Variants in BACH1 observed in about 807,000 individuals in gnomAD.
The protein encoded by BACH1 is transcription regulator protein BACH1.
In BACH1, 35 loss-of-function variants were observed where a neutral mutation model predicts 52.9. The observed-to-expected ratio is 0.66, with a 90% CI of 0.51 to 0.88. The LOEUF is 0.88. Among genes scored for constraint, BACH1 ranks in the 40% least tolerant of loss-of-function variants. The pLI, the probability that BACH1 is intolerant of heterozygous loss-of-function variation, is 0.00. For synonymous variants in BACH1, 321 were observed against 319.6 expected (o/e 1.00, Z -0.05); for missense variants, 808 against 872.6 (o/e 0.93, Z 0.93).
At position 29,301,776 on chromosome 21, in the gene BACH1, G is replaced by GT. The variant is rs909646691; in HGVS notation, c.-61+2832dup. 3.6e-4 allele frequency among the ~76,000 whole-genome samples: 55 copies of GT among 151,030 alleles called. 2 individuals carry two copies. Among genetic ancestry groups the GT allele is most frequent in the Admixed American group, 1.3e-3 (19 of 15,144 alleles). Reference sequence around the variant, plus strand: ...TTTGTACTGTTACTCCTTGAAGTCTGTTTTTTTTTGTTTGTTTTTTGCCAA... The same window carrying GT: ...TTTGTACTGTTACTCCTTGAAGTCTGTTTTTTTTTTGTTTGTTTTTTGCCAA... On this transcript the variant is annotated intron_variant, in intron 1 of 4. Transcript: ENST00000286800.
intron 2 of BACH1, among the ~76,000 whole-genome samples, chr21:29,325,668 G>C (rs2088901382): frequency 6.6e-6 from 1 of 152,180 alleles, no homozygotes; most frequent in Admixed American, 6.5e-5. Context: ...TTGGAATACA[G>C]TGGCCATGTG....
At chr21:29,303,366 A>G (rs999176779) in intron 1 of BACH1, among the ~76,000 whole-genome samples, 12 of 152,192 alleles carry the variant, frequency 7.9e-5, no homozygotes, top group Non-Finnish European at 1.6e-4. Context: ...TTTCTGTTTT[A>G]TCTCCTATGG....
rs1194820703 is a variant in BACH1, at chr21:29,334,638, G to T, written c.1776+4945G>T. ...TATTTACCAAAATGTATTTCTTTTAGAAAGTATCAAATATTGTTTTCGATA... is the reference window on the plus strand; with the variant it reads ...TATTTACCAAAATGTATTTCTTTTATAAAGTATCAAATATTGTTTTCGATA... On this transcript the variant is annotated intron_variant, in intron 4 of 4. Transcript: ENST00000286800. 2.0e-5 allele frequency among the ~76,000 whole-genome samples: 3 copies of T among 152,166 alleles called. No homozygotes were observed. In the East Asian group the frequency reaches 5.8e-4, roughly 29 times the overall value.
At chr21:29,337,534 A>G (rs1375839194) in intron 4 of BACH1, among the ~76,000 whole-genome samples, 1 of 152,220 alleles carries the variant, frequency 6.6e-6, no homozygotes, top group African/African-American at 2.4e-5. Flanking sequence ...CTCCAATTAC[A>G]TTAGTGTATT....
In BACH1 at chr21:29,344,828, A is replaced by G. The variant is rs2089152604; in HGVS notation, c.*1995A>G. On this transcript the variant is annotated 3_prime_UTR_variant, in exon 5 of 5. Coordinates refer to ENST00000286800, the MANE Select transcript of BACH1 (RefSeq NM_001186.4). ...CCCTTGATTTCCTACCTCAGTGTAC[A>G]CCCAACTATTGGTTGTATCAGTTTG... 1 of 152,612 alleles carries G rather than the reference A, an allele frequency of 6.6e-6. No homozygotes were observed. The highest frequency in any genetic ancestry group is 2.4e-5 in the African/African-American group (1 of 41,442). 9.5% of individuals were successfully genotyped at this position (152,612 alleles called of 1,614,324 possible).
chr21:29,342,915 T>G lies in BACH1; in HGVS notation c.*82T>G, dbSNP rs766663645. 68 of 1,338,656 alleles carry G rather than the reference T, an allele frequency of 5.1e-5. No homozygotes were observed. The highest frequency in any genetic ancestry group is 5.8e-5 in the Non-Finnish European group (57 of 990,240). The allele number at this position is 1,338,656 out of a possible 1,614,324, so 82.9% of individuals were successfully genotyped here. A position where few individuals can be genotyped will look rare whatever the true frequency, so the allele number is the denominator to read the frequency against. ...TTGAAAGCCTAATATGACCATCTGT[T>G]GCTCAACAATACTGTTTTTTTCCTT... On this transcript the variant is annotated 3_prime_UTR_variant, in exon 5 of 5. Coordinates refer to ENST00000286800, the MANE Select transcript of BACH1 (RefSeq NM_001186.4).
chr21:29,324,013 A>G (rs1031458511), intron 2 of BACH1, among the ~76,000 whole-genome samples: 1 of 152,132 alleles, frequency 6.6e-6, no homozygotes, highest in Non-Finnish European at 1.5e-5. Context: ...GCACTTTGGG[A>G]GGGCGAGGCA....
chr21:29,313,380 C>A (rs2088750075), intron 1 of BACH1, among the ~76,000 whole-genome samples: 1 of 152,180 alleles, frequency 6.6e-6, no homozygotes, highest in South Asian at 2.1e-4. Context: ...GAAAACTATT[C>A]AGTAATTTCT....
At chr21:29,361,523 GCTGCA>G (rs2089271776) in intron 2 of BACH1, 1 of 152,010 alleles carries the variant, frequency 6.6e-6, no homozygotes, top group Non-Finnish European at 1.5e-5. Flanking sequence ...TGCAGACCTT[GCTGCA>G]CTTTGATCTT....
At chr21:29,351,543 G>C (rs1250201211) in intron 2 of BACH1, 6 of 502,210 alleles carry the variant, frequency 1.2e-5, no homozygotes, top group African/African-American at 1.2e-4. Flanking sequence ...TTTAAGCACT[G>C]TGTTTTCATC....
chr21:29,342,165 A>G (rs1485809491), intron 4 of BACH1, among the ~76,000 whole-genome samples: 1 of 152,214 alleles, frequency 6.6e-6, no homozygotes, highest in African/African-American at 2.4e-5. Context: ...GTGTGCACCC[A>G]TACTGTCTTT....
chr21:29,340,444 G>A (rs1022019180), intron 4 of BACH1, among the ~76,000 whole-genome samples: 5 of 152,284 alleles, frequency 3.3e-5, no homozygotes, highest in Non-Finnish European at 5.9e-5. Context: ...TGGGGTGGGA[G>A]GAGTGAGAGT....
chr21:29,344,944 G>T lies in BACH1; in HGVS notation c.*2111G>T, dbSNP rs2089154199. On this transcript the variant is annotated 3_prime_UTR_variant, in exon 5 of 5. Transcript: ENST00000286800. ...TACTATTTTATGATAAAATGTAGTT[G>T]TCTCCAGAGCTTAAATATAATTTGT... 1 of 152,532 alleles carries T rather than the reference G, an allele frequency of 6.6e-6. No individual in the cohort carries two copies. Among genetic ancestry groups the T allele is most frequent in the African/African-American group, 2.4e-5 (1 of 41,410 alleles). The allele number at this position is 152,532 out of a possible 1,614,324, so 9.4% of individuals were successfully genotyped here.
chr21:29,327,110 C>T lies in BACH1; in HGVS notation c.1286C>T (p.Ser429Leu). 1 of 1,614,228 alleles carries T rather than the reference C, an allele frequency of 6.2e-7. No homozygotes were observed. The highest frequency in any genetic ancestry group is 8.5e-7 in the Non-Finnish European group (1 of 1,180,044). ...GCCAAAGATGGCTCAGAACAGATCT[C>T]ACAGAAACGGTCTGAGTGTCCGTGG... Reference protein sequence around the residue: ...AVAKDGSEQISQKRSECPWLG... With the variant: ...AVAKDGSEQILQKRSECPWLG... Residue 429 changes from serine (S) to leucine (L), a missense_variant, in exon 3 of 5, where the codon TCA (serine) becomes TTA (leucine). Coordinates refer to ENST00000286800, the MANE Select transcript of BACH1 (RefSeq NM_001186.4).
intron 1 of BACH1, among the ~76,000 whole-genome samples, chr21:29,314,108 C>T (rs2088759583): frequency 6.6e-6 from 1 of 152,146 alleles, no homozygotes; most frequent in Admixed American, 6.5e-5. Flanking sequence ...GATAACAATC[C>T]TATTCAGAAT....
intron 1 of BACH1, among the ~76,000 whole-genome samples, chr21:29,311,778 A>G (rs193092543): frequency 1.3e-5 from 2 of 152,292 alleles, no homozygotes; most frequent in African/African-American, 2.4e-5. Flanking sequence ...GACTCTGCAC[A>G]TTGTAAGTTG....
chr21:29,358,538 A>G (rs2089248518), intron 2 of BACH1, among the ~76,000 whole-genome samples: 1 of 152,072 alleles, frequency 6.6e-6, no homozygotes, highest in Non-Finnish European at 1.5e-5. Context: ...TCAGGAGTTC[A>G]AGACCAGCCT....
intron 2 of BACH1, among the ~76,000 whole-genome samples, chr21:29,324,198 C>T (rs1319091836): frequency 6.8e-6 from 1 of 147,406 alleles, no homozygotes; most frequent in Non-Finnish European, 1.5e-5. Context: ...TGCCGCTGCA[C>T]TCTAGCCTGG....
intron 2 of BACH1, among the ~76,000 whole-genome samples, chr21:29,355,186 T>G (rs2089226370): frequency 6.6e-6 from 1 of 152,180 alleles, no homozygotes; most frequent in Admixed American, 6.5e-5. Context: ...TGCTGATTGG[T>G]CTGTTTTTAC....
Sources: gnomAD v4.1 joint callset for allele counts (sites outside exome capture counted in the v4.1 genomes callset) on GRCh38, gnomAD v4.1.1 for gene constraint, MANE v1.5 for transcripts, NCBI Gene and HGNC (gene_info 2026-07-23, HGNC 2026-07-21) for gene names.